The following NPY2R variants were observed in gnomAD, a reference collection of about 807,000 sequenced individuals.
NPY2R encodes the protein neuropeptide Y receptor type 2.
Under a neutral mutation model 22.3 loss-of-function variants are expected in NPY2R, and 17 were observed. That is an observed-to-expected ratio of 0.76 (90% CI 0.52 to 1.14). The LOEUF (loss-of-function observed/expected upper bound fraction) is 1.14. NPY2R is among the 50% of genes most tolerant of loss of function. The probability of loss-of-function intolerance (pLI) is 0.00; values close to 1 mark genes in which losing one functional copy is unlikely to be tolerated. For missense variants in NPY2R, 424 were observed against 467.9 expected (o/e 0.91, Z 0.87); for synonymous variants, 209 against 183.4 (o/e 1.14, Z -1.13).
chr4:155,188,871 T>C, the NPY2R span, among the ~76,000 whole-genome samples: 2 of 152,124 alleles, frequency 1.3e-5, no homozygotes, highest in African/African-American at 4.8e-5. Context: ...GGATAAACCA[T>C]GTCCTAATTC....
At chr4:155,213,506 A>G (rs1258543080) in intron 1 of NPY2R, among the ~76,000 whole-genome samples, 2 of 152,196 alleles carry the variant, frequency 1.3e-5, no homozygotes, top group African/African-American at 2.4e-5. Flanking sequence ...TTACTTTTTT[A>G]TCTACCTGAA....
intron 1 of NPY2R, among the ~76,000 whole-genome samples, chr4:155,210,753 G>A (rs562801633): frequency 6.6e-6 from 1 of 152,288 alleles, no homozygotes; most frequent in East Asian, 1.9e-4. Flanking sequence ...TGAGTACATG[G>A]AAACTCTCAT....
chr4:155,202,278 C>T, the NPY2R span, among the ~76,000 whole-genome samples: 2 of 152,004 alleles, frequency 1.3e-5, no homozygotes, highest in Non-Finnish European at 2.9e-5. Flanking sequence ...ACACAAGATT[C>T]ATTTAAAACA....
At chr4:155,190,394 A>C in the NPY2R span, among the ~76,000 whole-genome samples, 1 of 151,984 alleles carries the variant, frequency 6.6e-6, no homozygotes, top group South Asian at 2.1e-4. Flanking sequence ...TAATCAGAGC[A>C]TAGATTAAAT....
In NPY2R at chr4:155,214,972, C is replaced by A; in HGVS notation, c.1033C>A (p.Arg345=). Reference sequence around the variant, plus strand: ...CCTCTCGGCCTTCCGCTGTGAGCAGCGGTTGGATGCCATTCACTCTGAGGT... The same window carrying A: ...CCTCTCGGCCTTCCGCTGTGAGCAGAGGTTGGATGCCATTCACTCTGAGGT... ...AFLSAFRCEQ[R]LDAIHSEVSV... The change falls in exon 2 of 2, where the codon CGG becomes AGG. Residue 345 remains arginine, a synonymous_variant. Transcript: ENST00000329476. 6.2e-7 allele frequency: 1 copy of A among 1,614,164 alleles called. No homozygotes were observed. The highest frequency in any genetic ancestry group is 8.5e-7 in the Non-Finnish European group (1 of 1,180,018).
At chr4:155,199,581 C>CA in the NPY2R span, among the ~76,000 whole-genome samples, 49 of 152,060 alleles carry the variant, frequency 3.2e-4, no homozygotes, top group African/African-American at 9.6e-4. Context: ...GCAAAAAGAA[C>CA]AAAACTGGAG....
rs1360912523 is a variant in NPY2R, at chr4:155,214,533, T to C, written c.594T>C (p.Phe198=). The C allele has an allele frequency of 2.5e-6, 4 of 1,610,882 alleles. No individual in the cohort carries two copies. Among genetic ancestry groups the C allele is most frequent in the Non-Finnish European group, 2.5e-6 (3 of 1,177,116 alleles). ...EYSLIEIIPD[F]EIVACTEKWP... ...CGCTGATTGAGATCATCCCGGACTTTGAGATTGTGGCCTGTACTGAAAAGT... is the reference window on the plus strand; with the variant it reads ...CGCTGATTGAGATCATCCCGGACTTCGAGATTGTGGCCTGTACTGAAAAGT... Residue 198 remains phenylalanine, a synonymous_variant, in exon 2 of 2, where the codon TTT becomes TTC. Coordinates refer to ENST00000329476, the MANE Select transcript of NPY2R (RefSeq NM_000910.4).
At chr4:155,192,294 G>A in the NPY2R span, among the ~76,000 whole-genome samples, 1 of 151,622 alleles carries the variant, frequency 6.6e-6, no homozygotes, top group South Asian at 2.1e-4. Context: ...TTGCAATTTT[G>A]TATCTGTTAG....
chr4:155,180,122 G>C, the NPY2R span, among the ~76,000 whole-genome samples: 2 of 147,816 alleles, frequency 1.4e-5, no homozygotes, highest in African/African-American at 5.0e-5. Flanking sequence ...GTCTTGCCAT[G>C]TTGTCCAGGC....
the NPY2R span, among the ~76,000 whole-genome samples, chr4:155,174,484 A>ATATATTTTTTTTT: frequency 1.0e-4 from 11 of 106,072 alleles, no homozygotes; most frequent in African/African-American, 4.5e-4. Context: ...ATATATATAT[A>ATATATTTTTTTTT]TTTTTTTTTT....
the NPY2R span, among the ~76,000 whole-genome samples, chr4:155,176,846 C>T: frequency 6.6e-6 from 1 of 152,248 alleles, no homozygotes; most frequent in South Asian, 2.1e-4. Context: ...GCTGCATCTT[C>T]CAGAGGGGTG....
chr4:155,176,116 C>A, the NPY2R span, among the ~76,000 whole-genome samples: 1 of 152,188 alleles, frequency 6.6e-6, no homozygotes, highest in African/African-American at 2.4e-5. Flanking sequence ...GACATCTTAT[C>A]CATCATGTTT....
At chr4:155,178,537 C>G in the NPY2R span, among the ~76,000 whole-genome samples, 1 of 152,138 alleles carries the variant, frequency 6.6e-6, no homozygotes, top group Non-Finnish European at 1.5e-5. Context: ...TTTAAGTCTT[C>G]TATAACATTT....
the NPY2R span, among the ~76,000 whole-genome samples, chr4:155,187,146 G>A: frequency 1.3e-5 from 2 of 152,166 alleles, no homozygotes; most frequent in East Asian, 3.9e-4. Context: ...TTACAGATGT[G>A]CAGGCACACA....
chr4:155,183,612 AATG>A, the NPY2R span, among the ~76,000 whole-genome samples: 1 of 152,198 alleles, frequency 6.6e-6, no homozygotes, highest in East Asian at 1.9e-4. Context: ...GGATTAGAGA[AATG>A]AGGATAAGGA....
Position 155,215,985 on chromosome 4 carries a change from T to A in NPY2R, c.*900T>A, listed in dbSNP as rs1729506935. 1 of 167,078 alleles carries A rather than the reference T, an allele frequency of 6.0e-6. No individual in the cohort carries two copies. Among genetic ancestry groups the A allele is most frequent in the Non-Finnish European group, 1.5e-5 (1 of 68,128 alleles). The allele number at this position is 167,078 out of a possible 1,614,324, so 10.3% of individuals were successfully genotyped here. On this transcript the variant is annotated 3_prime_UTR_variant, in exon 2 of 2. Coordinates refer to ENST00000329476, the MANE Select transcript of NPY2R (RefSeq NM_000910.4). ...AATTTAAATCAGACTAGAGAATAATTTTTGTGGCATGTTGTAACATTTCAC... is the reference window on the plus strand; with the variant it reads ...AATTTAAATCAGACTAGAGAATAATATTTGTGGCATGTTGTAACATTTCAC...
chr4:155,194,493 T>A, the NPY2R span, among the ~76,000 whole-genome samples: 1 of 152,122 alleles, frequency 6.6e-6, no homozygotes. Flanking sequence ...AGTGAGAACA[T>A]GCAATATTTG....
chr4:155,189,657 T>C, the NPY2R span, among the ~76,000 whole-genome samples: 2 of 151,978 alleles, frequency 1.3e-5, no homozygotes, highest in East Asian at 1.9e-4. Flanking sequence ...TATTGTTCAA[T>C]ATAATATAAA....
chr4:155,192,529 C>T, the NPY2R span, among the ~76,000 whole-genome samples: 2 of 152,042 alleles, frequency 1.3e-5, no homozygotes, highest in East Asian at 3.9e-4. Flanking sequence ...GAGTCCATTT[C>T]AGTCTGCATA....
Sources: allele counts gnomAD v4.1 joint callset (sites outside exome capture counted in the v4.1 genomes callset), GRCh38; gene constraint gnomAD v4.1.1; transcripts MANE v1.5; gene names NCBI Gene and HGNC (gene_info 2026-07-23, HGNC 2026-07-21).